Variants in PTN observed in about 807,000 individuals in gnomAD.
PTN encodes the protein heparin affin regulatory protein.
A neutral mutation model predicts 24.1 loss-of-function variants in PTN; 18 were observed. The observed-to-expected ratio is 0.75, with a 90% CI of 0.52 to 1.11. PTN has a LOEUF of 1.11. Ranked by LOEUF, PTN falls within the 50% of genes least tolerant of loss-of-function variation. The probability of loss-of-function intolerance (pLI) is 0.00; values close to 1 mark genes in which losing one functional copy is unlikely to be tolerated. For synonymous variants in PTN, 78 were observed against 68.6 expected, an observed-to-expected ratio of 1.14 and a Z score of -0.67; for missense variants, 163 against 198.8, an observed-to-expected ratio of 0.82 and a Z score of 1.08.
chr7:137,308,847 C>T (rs1467822978), intron 1 of PTN, among the ~76,000 whole-genome samples: 1 of 152,144 alleles, frequency 6.6e-6, no homozygotes, highest in Non-Finnish European at 1.5e-5. Context: ...TACTTGGTTT[C>T]CCTAAATTGT....
At chr7:137,299,151 C>A (rs916066518) in intron 1 of PTN, among the ~76,000 whole-genome samples, 4 of 151,940 alleles carry the variant, frequency 2.6e-5, no homozygotes, top group Non-Finnish European at 5.9e-5. Context: ...ATATGCCTAG[C>A]CCTACCTCCA....
chr7:137,337,941 A>G (rs772297487), intron 1 of PTN, among the ~76,000 whole-genome samples: 11 of 152,168 alleles, frequency 7.2e-5, no homozygotes, highest in Admixed American at 3.3e-4. Context: ...CAATGGTTCT[A>G]TGCTAAATAT....
chr7:137,259,275 T>C (rs1009459886), intron 1 of PTN, among the ~76,000 whole-genome samples: 1 of 152,114 alleles, frequency 6.6e-6, no homozygotes, highest in African/African-American at 2.4e-5. Context: ...ATTTTCAAGA[T>C]GGTAATATCT....
chr7:137,256,002 T>C (rs1204332821), intron 1 of PTN, among the ~76,000 whole-genome samples: 1 of 152,212 alleles, frequency 6.6e-6, no homozygotes, highest in East Asian at 1.9e-4. Flanking sequence ...TAGATTAGTT[T>C]AGGTGTTTCA....
intron 1 of PTN, among the ~76,000 whole-genome samples, chr7:137,324,024 C>T (rs920681954): frequency 7.2e-5 from 11 of 151,994 alleles, no homozygotes; most frequent in Admixed American, 3.3e-4. Context: ...GAAATAGAAG[C>T]CTGAAAAATT....
At chr7:137,294,194 G>T (rs1381132925) in intron 1 of PTN, among the ~76,000 whole-genome samples, 2 of 151,912 alleles carry the variant, frequency 1.3e-5, no homozygotes, top group Admixed American at 6.6e-5. Flanking sequence ...TTATTTTTTT[G>T]CAGCTTAGCT....
Position 137,254,993 on chromosome 7 carries a change from AGAG to A in PTN, c.-1-22_-1-20del. 1 of 1,498,196 alleles carries A rather than the reference AGAG, an allele frequency of 6.7e-7. No individual in the cohort carries two copies. The highest frequency in any genetic ancestry group is 1.3e-5 in the South Asian group (1 of 74,872). The allele number at this position is 1,498,196 out of a possible 1,614,324, so 92.8% of individuals were successfully genotyped here. On this transcript the variant is annotated intron_variant, in intron 1 of 4. Coordinates refer to ENST00000348225, the MANE Select transcript of PTN (RefSeq NM_002825.7). ...CTGCATTCTAGGAATAAACAGAGAA[AGAG>A]AAGAAGGTGGCATTAACCTAAGTCA...
chr7:137,253,596 T>G lies in PTN; in HGVS notation c.157A>C (p.Ser53Arg). 6.3e-7 allele frequency: 1 copy of G among 1,581,026 alleles called. No individual in the cohort carries two copies. The highest frequency in any genetic ancestry group is 8.6e-7 in the Non-Finnish European group (1 of 1,160,098). The change falls in exon 3 of 5, where the codon AGT (serine) becomes CGT (arginine). Residue 53 changes from serine to arginine, a missense_variant. Ser to Arg is a moderately radical substitution (Grantham distance 110). Coordinates refer to ENST00000348225, the MANE Select transcript of PTN (RefSeq NM_002825.7). ...TCTCCACTGGTGGGCACACACACAC[T>G]CCACTGCCATTCTCCACAGTCAGAC... The part of the protein sequence containing the change: ...KKSDCGEWQW[S>R]VCVPTSGDCG...
intron 1 of PTN, among the ~76,000 whole-genome samples, chr7:137,277,902 AG>A (rs1217490833): frequency 0.2 from 47 of 232 alleles, 1 homozygote; most frequent in Non-Finnish European, 0.14. Flanking sequence ...TAGATAGATG[AG>A]ATGATAGATA....
intron 1 of PTN, among the ~76,000 whole-genome samples, chr7:137,306,759 A>AT (rs1279465709): frequency 6.6e-6 from 1 of 152,174 alleles, no homozygotes; most frequent in African/African-American, 2.4e-5. Flanking sequence ...CTTGAGCTAA[A>AT]TATATCTTCA....
intron 1 of PTN, among the ~76,000 whole-genome samples, chr7:137,331,448 A>T (rs570014802): frequency 2.0e-5 from 3 of 152,334 alleles, no homozygotes; most frequent in African/African-American, 7.2e-5. Context: ...ACTGGCACAG[A>T]TACTAAACGC....
chr7:137,271,864 G>A lies in PTN; in HGVS notation c.-1-16890C>T, dbSNP rs528699137. Among the ~76,000 whole-genome samples, 52 of 152,286 alleles carry A rather than the reference G, an allele frequency of 3.4e-4. 1 individual carries two copies. The South Asian group carries it at 8.9e-3, about 26-fold the overall frequency. Reference sequence around the variant, plus strand: ...AAACTTATTTTTCTTAGCAATCGACGTGGGTATAATATCTTCCCCACAAAG... The same window carrying A: ...AAACTTATTTTTCTTAGCAATCGACATGGGTATAATATCTTCCCCACAAAG... On this transcript the variant is annotated intron_variant, in intron 1 of 4. Transcript: ENST00000348225.
intron 1 of PTN, among the ~76,000 whole-genome samples, chr7:137,269,621 T>A: frequency 6.8e-6 from 1 of 146,004 alleles, no homozygotes. Flanking sequence ...AGCTGCTTCA[T>A]CTATTTTTTT....
intron 1 of PTN, among the ~76,000 whole-genome samples, chr7:137,261,036 TATGA>T (rs977080365): frequency 6.6e-6 from 1 of 152,210 alleles, no homozygotes; most frequent in Non-Finnish European, 1.5e-5. Context: ...TTTTCAAGAT[TATGA>T]ATTTGCTCTC....
At chr7:137,235,430 T>C (rs1434814075) in intron 4 of PTN, among the ~76,000 whole-genome samples, 3 of 152,130 alleles carry the variant, frequency 2.0e-5, no homozygotes, top group African/African-American at 7.2e-5. Context: ...TCATTCAATT[T>C]CCAAATATTT....
At chr7:137,321,312 A>T (rs1810159573) in intron 1 of PTN, among the ~76,000 whole-genome samples, 1 of 152,228 alleles carries the variant, frequency 6.6e-6, no homozygotes, top group Admixed American at 6.5e-5. Context: ...TTGTTTTGAA[A>T]GAATAAAATC....
chr7:137,307,642 G>T (rs1340182798), intron 1 of PTN, among the ~76,000 whole-genome samples: 1 of 151,852 alleles, frequency 6.6e-6, no homozygotes, highest in African/African-American at 2.4e-5. Context: ...TACCTCCACA[G>T]TATGTATACA....
At chr7:137,329,053 A>AT (rs934615901) in intron 1 of PTN, among the ~76,000 whole-genome samples, 4 of 152,184 alleles carry the variant, frequency 2.6e-5, no homozygotes, top group South Asian at 2.1e-4. Context: ...CCTCAGTTCT[A>AT]TTTTTTACTA....
chr7:137,261,684 A>G (rs113882960), intron 1 of PTN, among the ~76,000 whole-genome samples: 3,556 of 152,318 alleles, frequency 0.023, 139 homozygotes, highest in African/African-American at 0.083. Flanking sequence ...AGACCCAAAG[A>G]TTCAGGAGAA....
Sources: gnomAD v4.1 joint callset for allele counts (sites outside exome capture counted in the v4.1 genomes callset) on GRCh38, gnomAD v4.1.1 for gene constraint, MANE v1.5 for transcripts, NCBI Gene and HGNC (gene_info 2026-07-23, HGNC 2026-07-21) for gene names.